The following WDR27 variants were observed in gnomAD, a reference collection of about 807,000 sequenced individuals.
The protein encoded by WDR27 is WD repeat-containing protein 27.
In WDR27, 100 loss-of-function variants were observed where a neutral mutation model predicts 114.4. The observed-to-expected ratio is 0.87, with a 90% CI of 0.74 to 1.03. The LOEUF is 1.03. Ranked by LOEUF, WDR27 falls within the 50% of genes least tolerant of loss-of-function variation. The pLI is 0.00. For synonymous variants in WDR27, 449 were observed against 423.1 expected (o/e 1.06, Z -0.75); for missense variants, 1,129 against 1,092.9 (o/e 1.03, Z -0.47).
chr6:169,521,549 G>GTA (rs1794381676), intron 25 of WDR27, among the ~76,000 whole-genome samples: 1 of 152,030 alleles, frequency 6.6e-6, no homozygotes, highest in Admixed American at 6.6e-5. Context: ...CATAACAATA[G>GTA]TATGAAGCCC....
chr6:169,648,394 G>A (rs370281006), intron 15 of WDR27, among the ~76,000 whole-genome samples: 5 of 152,196 alleles, frequency 3.3e-5, no homozygotes, highest in South Asian at 2.1e-4. Flanking sequence ...AAGAGCCAGC[G>A]TGCTCTGTCT....
At chr6:169,621,962 G>A (rs1166565243) in intron 21 of WDR27, among the ~76,000 whole-genome samples, 1 of 152,160 alleles carries the variant, frequency 6.6e-6, no homozygotes, top group Non-Finnish European at 1.5e-5. Context: ...AAATCACCAA[G>A]CTAAAGGGAA....
intron 14 of WDR27, among the ~76,000 whole-genome samples, chr6:169,651,346 G>A (rs1194465410): frequency 6.6e-6 from 1 of 152,082 alleles, no homozygotes; most frequent in Non-Finnish European, 1.5e-5. Context: ...AAAAAGTCAA[G>A]AGGTGAGGTA....
chr6:169,667,849 GC>G lies in WDR27; in HGVS notation c.660+132del, dbSNP rs1418865988. The G allele has an allele frequency of 4.8e-6, 4 of 842,066 alleles. No homozygotes were observed. The Admixed American group carries it at 1.2e-4, about 25-fold the overall frequency. The allele number at this position is 842,066 out of a possible 1,614,324, so 52.2% of individuals were successfully genotyped here. A position where few individuals can be genotyped will look rare whatever the true frequency, so the allele number is the denominator to read the frequency against. On this transcript the variant is annotated intron_variant, in intron 5 of 25. Transcript: ENST00000448612. ...TTCTGTGGAAATCAGGATAGCGGGC[GC>G]CTTGCAGAAGTGAGGTAGAAACAAC...
At chr6:169,452,563 TGGGGTCAGAGAGGAGCCGTGC>T (rs1784199686), downstream of WDR27, among the ~76,000 whole-genome samples, 1 of 66,630 alleles carries the variant, frequency 1.5e-5, no homozygotes, top group Non-Finnish European at 2.6e-5. Flanking sequence ...GAGCCGTGCG[TGGGGTCAGAGAGGAGCCGTGC>T]GTGGGGTCAG....
At chr6:169,695,598 A>T (rs1785694318) in intron 1 of WDR27, among the ~76,000 whole-genome samples, 1 of 152,144 alleles carries the variant, frequency 6.6e-6, no homozygotes, top group South Asian at 2.1e-4. Context: ...TTTTGCACCA[A>T]TTACATAAAA....
intron 4 of WDR27, chr6:169,670,188 C>T (rs934064640): frequency 6.1e-6 from 1 of 164,114 alleles, no homozygotes; most frequent in Non-Finnish European, 1.3e-5. Context: ...TTTAACTAAC[C>T]CTGGTGGGAA....
At chr6:169,437,894 C>CT in the WDR27 span, among the ~76,000 whole-genome samples, 38 of 151,670 alleles carry the variant, frequency 2.5e-4, no homozygotes, top group East Asian at 1.2e-3. Flanking sequence ...CTTGGCTCTT[C>CT]TTTTTTTTAT....
chr6:169,519,528 G>A (rs955646309), intron 25 of WDR27, among the ~76,000 whole-genome samples: 5 of 151,952 alleles, frequency 3.3e-5, no homozygotes, highest in African/African-American at 1.2e-4. Context: ...TGGGGGGTGG[G>A]AAGGTGCCAT....
intron 21 of WDR27, among the ~76,000 whole-genome samples, chr6:169,623,572 AC>A (rs1461771056): frequency 2.0e-5 from 3 of 152,018 alleles, no homozygotes; most frequent in Non-Finnish European, 4.4e-5. Context: ...CAGCCTGCGT[AC>A]CCACTCACAT....
intron 25 of WDR27, among the ~76,000 whole-genome samples, chr6:169,493,616 G>A (rs781634934): frequency 1.3e-5 from 2 of 151,948 alleles, no homozygotes; most frequent in Non-Finnish European, 2.9e-5. Context: ...GGTTTGTTAT[G>A]AAATAGTAAT....
intron 25 of WDR27, among the ~76,000 whole-genome samples, chr6:169,512,026 C>G (rs1185229736): frequency 1.3e-5 from 2 of 152,036 alleles, no homozygotes; most frequent in Non-Finnish European, 2.9e-5. Flanking sequence ...CATCTTTTTT[C>G]AAACAAAGGA....
chr6:169,623,896 G>A (rs1286299615), intron 21 of WDR27, among the ~76,000 whole-genome samples: 1 of 152,130 alleles, frequency 6.6e-6, no homozygotes, highest in East Asian at 1.9e-4. Context: ...CCTAGTAAAT[G>A]AGCCTAGGAG....
Position 169,522,537 on chromosome 6 carries a change from G to C in WDR27, c.2645+49882C>G, listed in dbSNP as rs9383489. Among the ~76,000 whole-genome samples the C allele has an allele frequency of 2.5e-3, 376 of 152,108 alleles. 10 individuals are homozygous for C. The East Asian group carries it at 0.065, about 26-fold the overall frequency. On this transcript the variant is annotated intron_variant, in intron 25 of 25. Coordinates refer to ENST00000448612, the MANE Select transcript of WDR27 (RefSeq NM_182552.5). ...TACATACTCCTTTCATCAGCACATG[G>C]AACATTCTACAGAACAGATCATATC...
At chr6:169,432,553 G>C in the WDR27 span, among the ~76,000 whole-genome samples, 11 of 152,298 alleles carry the variant, frequency 7.2e-5, no homozygotes, top group South Asian at 2.1e-3. Context: ...GTTTTACAAG[G>C]GGTTTCCCTT....
At chr6:169,645,748 T>C (rs1003616224) in intron 16 of WDR27, among the ~76,000 whole-genome samples, 2 of 150,582 alleles carry the variant, frequency 1.3e-5, no homozygotes, top group African/African-American at 4.9e-5. Flanking sequence ...AAAAGCCTAG[T>C]TCACAGGGTC....
In WDR27 at chr6:169,457,425, A is replaced by G; in HGVS notation, c.*167T>C. The G allele has an allele frequency of 1.8e-6, 1 of 546,016 alleles. No individual in the cohort carries two copies. Among genetic ancestry groups the G allele is most frequent in the South Asian group, 2.8e-5 (1 of 36,076 alleles). The allele number at this position is 546,016 out of a possible 1,614,324, so 33.8% of individuals were successfully genotyped here. ...GAAAGACATAAAACTCTGACATGGCACACACAGAGGGGAGGAGCTTGCAAA... is the reference window on the plus strand; with the variant it reads ...GAAAGACATAAAACTCTGACATGGCGCACACAGAGGGGAGGAGCTTGCAAA... On this transcript the variant is annotated 3_prime_UTR_variant, in exon 26 of 26. Transcript: ENST00000448612.
rs1327303961 is a variant in WDR27 at position 169,672,357 on chromosome 6, T to C, written c.229A>G (p.Met77Val). 1.2e-5 allele frequency: 20 copies of C among 1,611,198 alleles called. No homozygotes were observed. The highest frequency in any genetic ancestry group is 4.0e-5 in the African/African-American group (3 of 74,912). ...GGGTTCACTTTATTTCCAAAAGCCA[T>C]AGCAGTAATTGGCTGATGGTGTCCT... ...LRGHHQPITAMAFGNKVNPLL... is the reference protein window; with the variant it reads ...LRGHHQPITAVAFGNKVNPLL... Residue 77 changes from methionine to valine, a missense_variant, in exon 3 of 26, where the codon ATG (methionine) becomes GTG (valine). Physicochemically the swap from Met to Val is conservative, Grantham distance 21. Transcript: ENST00000448612.
At chr6:169,634,668 G>T in intron 19 of WDR27, 143 bp from the exon 20 acceptor site, 1 of 540,610 alleles carries the variant, frequency 1.8e-6, no homozygotes, top group Non-Finnish European at 3.2e-6. Flanking sequence ...GGGGAAAAGT[G>T]AATTAGCTAC....
Sources: gnomAD v4.1 joint callset for allele counts (sites outside exome capture counted in the v4.1 genomes callset) on GRCh38, gnomAD v4.1.1 for gene constraint, MANE v1.5 for transcripts, NCBI Gene and HGNC (gene_info 2026-07-23, HGNC 2026-07-21) for gene names.